DYRK1A: variants seen among roughly 807,000 people sequenced by gnomAD.
The protein encoded by DYRK1A is dual specificity tyrosine-phosphorylation-regulated kinase 1A.
DYRK1A carries 9 observed loss-of-function variants against 79.7 expected under a neutral mutation model. The observed-to-expected ratio is 0.11, with a 90% CI of 0.07 to 0.20. The LOEUF is 0.20. Among genes scored for constraint, DYRK1A ranks in the 10% least tolerant of loss-of-function variants. The pLI is 1.00. For synonymous variants in DYRK1A, 349 were observed against 329.7 expected, an observed-to-expected ratio of 1.06 and a Z score of -0.63; for missense variants, 622 against 956.0, an observed-to-expected ratio of 0.65 and a Z score of 4.61.
At chr21:37,366,139 C>A (rs1331126212), upstream of DYRK1A, 2 of 151,690 alleles carry the variant, frequency 1.3e-5, no homozygotes, top group African/African-American at 2.4e-5. Context: ...ACGGTCGCGG[C>A]CGCCGCGCTT....
Position 37,520,100 on chromosome 21 carries a change from T to G in DYRK1A, c.*7569T>G, listed in dbSNP as rs963897680. On this transcript the variant is annotated 3_prime_UTR_variant, in exon 12 of 12. Transcript: ENST00000647188. ...TTAAATGTTTTATAAGGATGGGTTT[T>G]CAGTAGAATTTCTCTGTACAACCTC... 2 of 152,210 alleles carry G rather than the reference T, an allele frequency of 1.3e-5. No individual in the cohort carries two copies. The highest frequency in any genetic ancestry group is 2.9e-5 in the Non-Finnish European group (2 of 68,042). The allele number at this position is 152,210 out of a possible 1,614,324, so 9.4% of individuals were successfully genotyped here.
At chr21:37,442,184 T>C (rs2051128150) in intron 2 of DYRK1A, among the ~76,000 whole-genome samples, 1 of 152,088 alleles carries the variant, frequency 6.6e-6, no homozygotes, top group Non-Finnish European at 1.5e-5. Context: ...TTACGTACCT[T>C]AGTTTAGTTT....
At chr21:37,405,009 AT>A (rs2050122558) in intron 1 of DYRK1A, among the ~76,000 whole-genome samples, 1 of 152,228 alleles carries the variant, frequency 6.6e-6, no homozygotes, top group African/African-American at 2.4e-5. Context: ...CGGCATGTAC[AT>A]TCTCAGAAAG....
intron 1 of DYRK1A, among the ~76,000 whole-genome samples, chr21:37,390,983 T>C (rs992145402): frequency 6.6e-6 from 1 of 152,232 alleles, no homozygotes; most frequent in Admixed American, 6.5e-5. Context: ...TTACCCTCAG[T>C]GTGCGCCTGG....
intron 2 of DYRK1A, among the ~76,000 whole-genome samples, chr21:37,441,437 T>C (rs2051100451): frequency 6.6e-6 from 1 of 152,142 alleles, no homozygotes; most frequent in Non-Finnish European, 1.5e-5. Flanking sequence ...TTATTTCCTA[T>C]TTGTGTTGTC....
In DYRK1A at chr21:37,449,820, C is replaced by G. The variant is rs181742345; in HGVS notation, c.11-22864C>G. Among the ~76,000 whole-genome samples, 457 of 152,258 alleles carry G rather than the reference C, an allele frequency of 3.0e-3. 6 individuals carry two copies. Among genetic ancestry groups the G allele is most frequent in the Non-Finnish European group, 1.1e-3 (76 of 68,014 alleles). Reference sequence around the variant, plus strand: ...ATGGCCCGCATTCTTCATTTACTTTCAAGTCTAGTCAAGTCAAGTCTCTTG... The same window carrying G: ...ATGGCCCGCATTCTTCATTTACTTTGAAGTCTAGTCAAGTCAAGTCTCTTG... On this transcript the variant is annotated intron_variant, in intron 2 of 11. Transcript: ENST00000647188.
chr21:37,370,405 CTG>C (rs1031076288), intron 1 of DYRK1A, among the ~76,000 whole-genome samples: 1 of 151,492 alleles, frequency 6.6e-6, no homozygotes, highest in Non-Finnish European at 1.5e-5. Flanking sequence ...ATAGAATTAA[CTG>C]TATTATAGGC....
chr21:37,511,695 A>G (rs1477612848), intron 11 of DYRK1A, among the ~76,000 whole-genome samples: 3 of 152,186 alleles, frequency 2.0e-5, no homozygotes, highest in African/African-American at 4.8e-5. Flanking sequence ...TTAAGGATAT[A>G]ACTTCCTAAA....
intron 1 of DYRK1A, among the ~76,000 whole-genome samples, chr21:37,371,172 TG>T (rs1469598696): frequency 1.3e-5 from 2 of 152,236 alleles, no homozygotes; most frequent in East Asian, 3.8e-4. Flanking sequence ...CTTATGTCAG[TG>T]CTACAATTTT....
intron 2 of DYRK1A, among the ~76,000 whole-genome samples, chr21:37,463,702 A>G (rs992195724): frequency 7.2e-5 from 11 of 152,128 alleles, no homozygotes; most frequent in African/African-American, 2.7e-4. Context: ...AACAAAGCTT[A>G]CTCATGGACT....
chr21:37,411,035 T>C (rs1452996337), intron 1 of DYRK1A, among the ~76,000 whole-genome samples: 48 of 109,610 alleles, frequency 4.4e-4, no homozygotes, highest in African/African-American at 1.6e-3. Flanking sequence ...GGCGACAGAG[T>C]GAGATTCTGT....
chr21:37,424,666 T>C (rs953678256), intron 2 of DYRK1A, among the ~76,000 whole-genome samples: 1 of 152,220 alleles, frequency 6.6e-6, no homozygotes, highest in Non-Finnish European at 1.5e-5. Context: ...ACTTTAGATA[T>C]TTATTTTACA....
intron 2 of DYRK1A, among the ~76,000 whole-genome samples, chr21:37,436,860 A>G (rs2050939749): frequency 1.3e-5 from 2 of 152,352 alleles, no homozygotes; most frequent in Admixed American, 6.5e-5. Flanking sequence ...ATAATTTAAC[A>G]GAGGTGGATA....
chr21:37,500,326 G>C (rs2053404253), intron 9 of DYRK1A, among the ~76,000 whole-genome samples: 1 of 151,926 alleles, frequency 6.6e-6, no homozygotes, highest in Non-Finnish European at 1.5e-5. Flanking sequence ...ACCTACACTT[G>C]GCCTTGATAT....
Position 37,525,546 on chromosome 21 carries a change from A to C in DYRK1A, c.*13015A>C, listed in dbSNP as rs2053962242. ...ATTTGGGTGGGGACACAGCTAACTC[A>C]TATCAGTGTGGAATAGAAAATGGCT... On this transcript the variant is annotated 3_prime_UTR_variant, in exon 12 of 12. Coordinates refer to ENST00000647188, the MANE Select transcript of DYRK1A (RefSeq NM_001347721.2). The C allele has an allele frequency of 6.6e-6, 1 of 152,222 alleles. No individual in the cohort carries two copies. The highest frequency in any genetic ancestry group is 1.5e-5 in the Non-Finnish European group (1 of 68,046). The allele number at this position is 152,222 out of a possible 1,614,324, so 9.4% of individuals were successfully genotyped here.
chr21:37,403,506 G>A (rs963403828), intron 1 of DYRK1A, among the ~76,000 whole-genome samples: 2 of 151,136 alleles, frequency 1.3e-5, no homozygotes, highest in Admixed American at 6.6e-5. Context: ...CTGGAGTGCA[G>A]TGGTGCAGTG....
At chr21:37,401,267 G>A (rs1300532054) in intron 1 of DYRK1A, among the ~76,000 whole-genome samples, 1 of 151,988 alleles carries the variant, frequency 6.6e-6, no homozygotes, top group African/African-American at 2.4e-5. Context: ...CATATGTAGT[G>A]TTTAAAAAAA....
intron 9 of DYRK1A, among the ~76,000 whole-genome samples, chr21:37,499,414 T>C (rs2053372389): frequency 6.6e-6 from 1 of 152,200 alleles, no homozygotes; most frequent in South Asian, 2.1e-4. Flanking sequence ...CTAGGTCCTT[T>C]CTTTTCACAT....
chr21:37,452,023 G>A (rs2051469117), intron 2 of DYRK1A, among the ~76,000 whole-genome samples: 2 of 152,188 alleles, frequency 1.3e-5, no homozygotes, highest in South Asian at 2.1e-4. Flanking sequence ...GCAGTTAAGG[G>A]AAAGGATGTC....
Sources: gnomAD v4.1 joint callset for allele counts (sites outside exome capture counted in the v4.1 genomes callset) on GRCh38, gnomAD v4.1.1 for gene constraint, MANE v1.5 for transcripts, NCBI Gene and HGNC (gene_info 2026-07-23, HGNC 2026-07-21) for gene names.